The following P3H2 variants were observed in gnomAD, a reference collection of about 807,000 sequenced individuals.
The protein encoded by P3H2 is prolyl 3-hydroxylase 2.
Under a neutral mutation model 87.0 loss-of-function variants are expected in P3H2, and 80 were observed. That is an observed-to-expected ratio of 0.92 (90% CI 0.77 to 1.11). P3H2 has a LOEUF of 1.11. P3H2 is among the 50% of genes least tolerant of loss of function. P3H2 has a pLI of 0.00. For missense variants in P3H2, 1,001 were observed against 923.9 expected, an observed-to-expected ratio of 1.08 and a Z score of -1.08; for synonymous variants, 367 against 359.3, an observed-to-expected ratio of 1.02 and a Z score of -0.24.
chr3:190,082,511 C>T (rs1727075979), intron 1 of P3H2, among the ~76,000 whole-genome samples: 1 of 152,274 alleles, frequency 6.6e-6, no homozygotes. Flanking sequence ...ACAATCAAGT[C>T]AGGGTAATTG....
intron 4 of P3H2, among the ~76,000 whole-genome samples, chr3:189,988,042 G>T (rs2108919572): frequency 6.6e-6 from 1 of 152,298 alleles, no homozygotes; most frequent in African/African-American, 2.4e-5. Context: ...CTTTGCAACA[G>T]TAATGTACCA....
chr3:190,091,077 T>A (rs1427375093), intron 1 of P3H2, among the ~76,000 whole-genome samples: 1 of 152,252 alleles, frequency 6.6e-6, no homozygotes, highest in Non-Finnish European at 1.5e-5. Flanking sequence ...ATGTTTGTTC[T>A]ATAAATAAAA....
At chr3:190,110,590 G>C (rs1712033982) in intron 1 of P3H2, among the ~76,000 whole-genome samples, 1 of 152,152 alleles carries the variant, frequency 6.6e-6, no homozygotes, top group Admixed American at 6.6e-5. Context: ...TTTTAAAATA[G>C]CACATGCTTC....
At chr3:190,061,511 A>G (rs559112237) in intron 1 of P3H2, among the ~76,000 whole-genome samples, 327 of 152,248 alleles carry the variant, frequency 2.1e-3, no homozygotes, top group African/African-American at 7.3e-3. Flanking sequence ...CACAAACTTC[A>G]GAGTTAAAAA....
chr3:190,072,883 A>T (rs377387437), intron 1 of P3H2, among the ~76,000 whole-genome samples: 1 of 152,330 alleles, frequency 6.6e-6, no homozygotes, highest in Admixed American at 6.5e-5. Flanking sequence ...GAGATTTGTT[A>T]TCTATACTTT....
intron 1 of P3H2, among the ~76,000 whole-genome samples, chr3:190,098,967 C>T (rs710586): frequency 0.15 from 23,202 of 151,992 alleles, 1,832 homozygotes; most frequent in East Asian, 0.17. Context: ...GTTGATACAA[C>T]GCTGTTTACT....
chr3:190,108,347 T>C (rs778831065), intron 1 of P3H2, among the ~76,000 whole-genome samples: 1 of 152,126 alleles, frequency 6.6e-6, no homozygotes, highest in Non-Finnish European at 1.5e-5. Context: ...TTACCTGTTA[T>C]ATCAGTAGTA....
At chr3:190,002,607 G>C (rs1724251909) in intron 1 of P3H2, among the ~76,000 whole-genome samples, 1 of 151,840 alleles carries the variant, frequency 6.6e-6, no homozygotes, top group Non-Finnish European at 1.5e-5. Flanking sequence ...CACCGTGTTG[G>C]CCAAGCCAGT....
At chr3:190,078,998 G>C (rs1726958585) in intron 1 of P3H2, among the ~76,000 whole-genome samples, 1 of 152,096 alleles carries the variant, frequency 6.6e-6, no homozygotes, top group African/African-American at 2.4e-5. Context: ...TCCTAGCTCA[G>C]TCACTTGCTG....
intron 1 of P3H2, among the ~76,000 whole-genome samples, chr3:190,069,201 AC>A: frequency 6.6e-6 from 1 of 152,118 alleles, no homozygotes; most frequent in Non-Finnish European, 1.5e-5. Flanking sequence ...TTCTGAATAA[AC>A]CATACCAAGA....
intron 6 of P3H2, among the ~76,000 whole-genome samples, chr3:189,984,917 C>T (rs1263176708): frequency 2.0e-5 from 3 of 152,080 alleles, no homozygotes; most frequent in African/African-American, 7.2e-5. Context: ...TTCAGTTCAA[C>T]TTCTTTATGT....
intron 1 of P3H2, among the ~76,000 whole-genome samples, chr3:190,017,152 A>G (rs913892161): frequency 6.6e-6 from 1 of 152,084 alleles, no homozygotes; most frequent in Non-Finnish European, 1.5e-5. Flanking sequence ...GTCCCTTTCC[A>G]GCTGTCCTGT....
At chr3:190,067,034 G>C (rs936161718) in intron 1 of P3H2, among the ~76,000 whole-genome samples, 10 of 134,900 alleles carry the variant, frequency 7.4e-5, no homozygotes, top group African/African-American at 3.0e-4. Flanking sequence ...TTGTAGAGAT[G>C]GGGTCTTGTT....
chr3:190,121,351 G>GAATAAATA (rs960130908), upstream of P3H2, among the ~76,000 whole-genome samples: 1 of 149,704 alleles, frequency 6.7e-6, no homozygotes, highest in South Asian at 2.1e-4. Flanking sequence ...AAAAAAAAAA[G>GAATAAATA]AATAAATAAA....
chr3:190,041,060 ACACACACACACACACACACACTCT>A (rs1329891980), intron 1 of P3H2, among the ~76,000 whole-genome samples: 1 of 44,738 alleles, frequency 2.2e-5, no homozygotes, highest in Middle Eastern at 9.4e-3. Flanking sequence ...ACACACACAC[ACACACACACACACACACACACTCT>A]CTCTCTCTAT....
chr3:189,980,739 C>T (rs1324266043), intron 8 of P3H2, among the ~76,000 whole-genome samples: 2 of 152,042 alleles, frequency 1.3e-5, no homozygotes, highest in Admixed American at 1.3e-4. Flanking sequence ...ACAGAGCTCC[C>T]AAATCCCTTG....
intron 1 of P3H2, among the ~76,000 whole-genome samples, chr3:190,037,227 C>G (rs1725453576): frequency 6.6e-6 from 1 of 151,858 alleles, no homozygotes; most frequent in Non-Finnish European, 1.5e-5. Flanking sequence ...TAATTTATAC[C>G]TTTTCAACTT....
At chr3:190,099,675 A>G (rs1410019107) in intron 1 of P3H2, among the ~76,000 whole-genome samples, 1 of 152,226 alleles carries the variant, frequency 6.6e-6, no homozygotes, top group Non-Finnish European at 1.5e-5. Context: ...GTCTTACCTG[A>G]AAGACAATCT....
chr3:190,050,868 A>C (rs1725960207), intron 1 of P3H2, among the ~76,000 whole-genome samples: 1 of 152,170 alleles, frequency 6.6e-6, no homozygotes, highest in Non-Finnish European at 1.5e-5. Context: ...TTCCAGCTTA[A>C]TACCAATTCA....
Sources: allele counts gnomAD v4.1 joint callset (sites outside exome capture counted in the v4.1 genomes callset), GRCh38; gene constraint gnomAD v4.1.1; transcripts MANE v1.5; gene names NCBI Gene and HGNC (gene_info 2026-07-23, HGNC 2026-07-21).